The following LRGUK variants were observed in gnomAD, a reference collection of about 807,000 sequenced individuals.
LRGUK encodes the protein leucine-rich repeat and guanylate kinase domain-containing protein.
Under a neutral mutation model 76.0 loss-of-function variants are expected in LRGUK, and 65 were observed. The observed-to-expected ratio is 0.85, with a 90% CI of 0.70 to 1.05. The LOEUF is 1.05. Ranked by LOEUF, LRGUK falls within the 50% of genes least tolerant of loss-of-function variation. The pLI, the probability that LRGUK is intolerant of heterozygous loss-of-function variation, is 0.00. For synonymous variants in LRGUK, 268 were observed against 265.6 expected, an observed-to-expected ratio of 1.01 and a Z score of -0.09; for missense variants, 758 against 732.8, an observed-to-expected ratio of 1.03 and a Z score of -0.40.
intron 3 of LRGUK, among the ~76,000 whole-genome samples, chr7:134,142,484 C>T (rs1205633678): frequency 1.3e-5 from 2 of 152,148 alleles, no homozygotes; most frequent in Non-Finnish European, 2.9e-5. Context: ...ATGCAAAACT[C>T]GGATGTACGT....
chr7:134,203,437 G>C (rs538093870), intron 15 of LRGUK, among the ~76,000 whole-genome samples: 1 of 152,252 alleles, frequency 6.6e-6, no homozygotes, highest in South Asian at 2.1e-4. Flanking sequence ...ACTGAGGCAG[G>C]GCAGGTCATG....
intron 15 of LRGUK, among the ~76,000 whole-genome samples, chr7:134,207,147 A>G (rs912364277): frequency 1.3e-5 from 2 of 152,194 alleles, no homozygotes; most frequent in African/African-American, 2.4e-5. Flanking sequence ...AATTAATTTT[A>G]TATTTTGGTT....
intron 1 of LRGUK, among the ~76,000 whole-genome samples, chr7:134,129,963 G>T (rs1401608930): frequency 6.6e-6 from 1 of 152,080 alleles, no homozygotes; most frequent in Non-Finnish European, 1.5e-5. Flanking sequence ...AACCTGCGGT[G>T]TCTTCTGTTA....
intron 15 of LRGUK, among the ~76,000 whole-genome samples, chr7:134,216,197 A>G (rs1801431866): frequency 6.6e-6 from 1 of 152,154 alleles, no homozygotes; most frequent in Non-Finnish European, 1.5e-5. Flanking sequence ...GCACACAGTA[A>G]ATGCTTCTAT....
intron 10 of LRGUK, among the ~76,000 whole-genome samples, chr7:134,180,193 T>C (rs921789524): frequency 6.6e-6 from 1 of 152,148 alleles, no homozygotes; most frequent in Admixed American, 6.5e-5. Flanking sequence ...AATTCCAGTC[T>C]GGGGGTTAAG....
At chr7:134,168,992 C>T (rs1799118443) in intron 7 of LRGUK, among the ~76,000 whole-genome samples, 1 of 152,078 alleles carries the variant, frequency 6.6e-6, no homozygotes, top group African/African-American at 2.4e-5. Flanking sequence ...TCCAAAAAGC[C>T]TACCCTCAGG....
chr7:134,268,715 ATCTTTTTT>A (rs1253087378), downstream of LRGUK, among the ~76,000 whole-genome samples: 10 of 111,946 alleles, frequency 8.9e-5, no homozygotes, highest in East Asian at 5.1e-4. Flanking sequence ...TATGCAAAAA[ATCTTTTTT>A]TTTTTTTTTT....
intron 19 of LRGUK, among the ~76,000 whole-genome samples, chr7:134,260,078 C>T (rs1802681820): frequency 6.6e-6 from 1 of 152,224 alleles, no homozygotes; most frequent in East Asian, 1.9e-4. Context: ...TGTTCTAATT[C>T]CATTTCTCTA....
chr7:134,197,045 G>A lies in LRGUK; in HGVS notation c.1485G>A (p.Arg495=), dbSNP rs140163631. The A allele has an allele frequency of 1.3e-4, 208 of 1,611,918 alleles. 1 individual carries two copies. In the African/African-American group the frequency reaches 2.6e-3, roughly 20 times the overall value. ...GTAATCACAAGTATGGATTAAATAG[G>A]GACACCGTAGAAGGTATCGCAAGAG... is the stretch of plus-strand genomic sequence containing the variant. Residue 495 remains arginine (R), a synonymous_variant, in exon 13 of 16, where the codon AGG becomes AGA. Coordinates refer to ENST00000645682, the Ensembl canonical transcript of LRGUK.
At chr7:134,149,712 A>G (rs1798126107) in intron 5 of LRGUK, among the ~76,000 whole-genome samples, 2 of 152,192 alleles carry the variant, frequency 1.3e-5, no homozygotes, top group Admixed American at 1.3e-4. Flanking sequence ...TTAGCAGCAT[A>G]TCTCTGTAGA....
exon 12 of LRGUK, chr7:134,191,727 C>A: frequency 3.1e-6 from 5 of 1,611,628 alleles, no homozygotes; most frequent in African/African-American, 1.3e-5. Flanking sequence ...TCTCTCAAGA[C>A]GTTTTTGATG....
intron 16 of LRGUK, among the ~76,000 whole-genome samples, chr7:134,226,330 C>T (rs749521338): frequency 1.3e-5 from 2 of 150,544 alleles, no homozygotes; most frequent in Non-Finnish European, 2.9e-5. Context: ...TCTTTCTCTC[C>T]CGCTCAAATC....
chr7:134,222,653 G>A (rs1003983030), intron 16 of LRGUK, among the ~76,000 whole-genome samples: 4 of 151,576 alleles, frequency 2.6e-5, no homozygotes, highest in African/African-American at 4.9e-5. Flanking sequence ...CTTGTTGCCA[G>A]GCTGGAGTGC....
At chr7:134,159,728 GCA>G (rs1798642733) in intron 6 of LRGUK, among the ~76,000 whole-genome samples, 2 of 152,100 alleles carry the variant, frequency 1.3e-5, no homozygotes. Flanking sequence ...GGCGGAGGTT[GCA>G]GTGAGCCGAG....
chr7:134,225,536 T>C (rs574144502), intron 16 of LRGUK, among the ~76,000 whole-genome samples: 4 of 152,288 alleles, frequency 2.6e-5, no homozygotes, highest in Non-Finnish European at 1.5e-5. Flanking sequence ...GCTAGTAGTT[T>C]AGGTGGAAAT....
intron 9 of LRGUK, 112 bp from the exon 10 acceptor site, chr7:134,178,391 T>C: frequency 1.5e-6 from 1 of 654,446 alleles, no homozygotes; most frequent in Non-Finnish European, 2.6e-6. Context: ...GTTAAATTAT[T>C]TTGTGTACCT....
chr7:134,260,953 C>T (rs1261939749), intron 19 of LRGUK, among the ~76,000 whole-genome samples: 2 of 152,202 alleles, frequency 1.3e-5, no homozygotes, highest in Admixed American at 6.5e-5. Context: ...ATCACTGCAA[C>T]GTGCTGGGGT....
At chr7:134,145,630 G>A (rs982103221) in intron 4 of LRGUK, among the ~76,000 whole-genome samples, 3 of 152,174 alleles carry the variant, frequency 2.0e-5, no homozygotes, top group African/African-American at 7.2e-5. Flanking sequence ...AAGCATGAAA[G>A]GTTAGGTAAC....
the LRGUK span, among the ~76,000 whole-genome samples, chr7:134,274,442 A>T: frequency 1.3e-5 from 2 of 152,326 alleles, no homozygotes; most frequent in African/African-American, 4.8e-5. Context: ...AGTGGAATTG[A>T]AAAGAAAATC....
Sources: allele counts gnomAD v4.1 joint callset (sites outside exome capture counted in the v4.1 genomes callset), GRCh38; gene constraint gnomAD v4.1.1; transcripts MANE v1.5; gene names NCBI Gene and HGNC (gene_info 2026-07-23, HGNC 2026-07-21).